ANAPC1: variants seen among roughly 807,000 people sequenced by gnomAD.
The protein encoded by ANAPC1 is anaphase promoting complex subunit 1, also known as anaphase-promoting complex subunit 1.
ANAPC1 carries 36 observed loss-of-function variants against 208.0 expected under a neutral mutation model. The ratio of observed to expected loss-of-function variants is 0.17; its 90% confidence interval spans 0.13 to 0.23. ANAPC1 has a LOEUF of 0.23. Ranked by LOEUF, ANAPC1 falls within the 10% of genes least tolerant of loss-of-function variation. The pLI, the probability that ANAPC1 is intolerant of heterozygous loss-of-function variation, is 1.00. For synonymous variants in ANAPC1, 378 were observed against 695.2 expected (o/e 0.54, Z 7.18); for missense variants, 942 against 2,011.6 (o/e 0.47, Z 10.17).
At position 111,834,662 on chromosome 2, in the gene ANAPC1, T is replaced by G. The variant is rs1230516563; in HGVS notation, c.2326A>C (p.Asn776His). 1 of 1,613,086 alleles carries G rather than the reference T, an allele frequency of 6.2e-7. No individual in the cohort carries two copies. The highest frequency in any genetic ancestry group is 1.3e-5 in the African/African-American group (1 of 74,816). ...LHLVYEELKL[N>H]TLMGEGICSL... Reference sequence around the variant, plus strand: ...CAAATTCCTTCTCCCATTAGAGTATTCAACTTAAGCTCCTCATACACAAGG... The same window carrying G: ...CAAATTCCTTCTCCCATTAGAGTATGCAACTTAAGCTCCTCATACACAAGG... The change falls in exon 19 of 48, where the codon AAT becomes CAT. Residue 776 changes from asparagine to histidine, a missense_variant. Transcript: ENST00000341068.
chr2:111,789,092 C>A (rs1203552542), intron 38 of ANAPC1, among the ~76,000 whole-genome samples: 1 of 152,136 alleles, frequency 6.6e-6, no homozygotes, highest in Non-Finnish European at 1.5e-5. Flanking sequence ...GAGCCGAGAT[C>A]GCGCCACTGC....
chr2:111,880,663 C>T lies in ANAPC1; in HGVS notation c.163G>A (p.Ala55Thr), dbSNP rs1158176861. ...ASELWSSDGA[A>T]GLVGSLQEVT... is the part of the protein sequence containing the mutation. ...TCCTGAAGGGATCCCACCAAGCCAG[C>T]AGCACCATCAGAAGACCATAATTCA... The change falls in exon 2 of 48, where the codon GCT becomes ACT. Residue 55 changes from alanine to threonine, a missense_variant. Transcript: ENST00000341068. The T allele has an allele frequency of 1.9e-6, 3 of 1,613,192 alleles. No homozygotes were observed. The South Asian group carries it at 3.3e-5, about 18-fold the overall frequency.
intron 16 of ANAPC1, among the ~76,000 whole-genome samples, chr2:111,844,986 C>T (rs1680977204): frequency 6.6e-6 from 1 of 152,206 alleles, no homozygotes; most frequent in African/African-American, 2.4e-5. Flanking sequence ...GCAAGGACTA[C>T]AGATGCATGC....
At chr2:111,875,279 T>C (rs1330029651) in intron 3 of ANAPC1, among the ~76,000 whole-genome samples, 1 of 152,220 alleles carries the variant, frequency 6.6e-6, no homozygotes, top group Non-Finnish European at 1.5e-5. Context: ...TGTTTTATTG[T>C]TGAGTTGTGG....
rs1271067391 is a variant in ANAPC1, at chr2:111,880,602, C to T, written c.213+11G>A. On this transcript the variant is annotated intron_variant, in intron 2 of 47. Coordinates refer to ENST00000341068, the MANE Select transcript of ANAPC1 (RefSeq NM_022662.4). ...TACATTTCAAAAACACAATGGGAAA[C>T]TCAATGGAACCTTCTGTTTCTCGTG... The T allele has an allele frequency of 1.3e-6, 2 of 1,598,896 alleles. No individual in the cohort carries two copies. The highest frequency in any genetic ancestry group is 1.7e-6 in the Non-Finnish European group (2 of 1,172,566).
At chr2:111,862,831 C>G (rs1050011484) in intron 9 of ANAPC1, among the ~76,000 whole-genome samples, 1 of 152,044 alleles carries the variant, frequency 6.6e-6, no homozygotes, top group Non-Finnish European at 1.5e-5. Flanking sequence ...TCTTTTACAA[C>G]TAAAACTTAG....
At position 111,856,450 on chromosome 2, in the gene ANAPC1, C is replaced by G. The variant is rs181939571; in HGVS notation, c.1515+164G>C. ...CCATAGCCCTCCAAATTAGGACCCA[C>G]CTAAATAGGAAGCTTCACTGAGAAT... On this transcript the variant is annotated intron_variant, in intron 13 of 47. Coordinates refer to ENST00000341068, the MANE Select transcript of ANAPC1 (RefSeq NM_022662.4). The G allele has an allele frequency of 1.2e-3, 859 of 724,554 alleles. 8 individuals carry two copies. The East Asian group carries it at 0.014, about 12-fold the overall frequency. 44.9% of individuals were successfully genotyped at this position (724,554 alleles called of 1,614,324 possible).
At chr2:111,779,142 G>C (rs1677146733) in intron 44 of ANAPC1, 1 of 191,842 alleles carries the variant, frequency 5.2e-6, no homozygotes, top group Non-Finnish European at 1.1e-5. Context: ...GTTTAGGGGA[G>C]GCGGCAGAGT....
chr2:111,868,112 TA>T lies in ANAPC1; in HGVS notation c.612-17del. 1 of 1,552,876 alleles carries T rather than the reference TA, an allele frequency of 6.4e-7. No homozygotes were observed. The highest frequency in any genetic ancestry group is 8.7e-7 in the Non-Finnish European group (1 of 1,143,458). ...TAAAGGTTCTCTAGCAATAAACAAA[TA>T]ATCAATTAATTACCAATACGAGTAT... On this transcript the variant is annotated splice_polypyrimidine_tract_variant and intron_variant, in intron 6 of 47. Transcript: ENST00000341068.
intron 17 of ANAPC1, among the ~76,000 whole-genome samples, chr2:111,838,727 G>C (rs988232852): frequency 2.0e-5 from 3 of 152,178 alleles, no homozygotes; most frequent in African/African-American, 7.2e-5. Context: ...CAAACATCTA[G>C]AACAGTGCCT....
intron 21 of ANAPC1, among the ~76,000 whole-genome samples, chr2:111,830,156 C>G (rs1233358963): frequency 6.6e-6 from 1 of 152,152 alleles, no homozygotes; most frequent in African/African-American, 2.4e-5. Flanking sequence ...TAAAGACTTA[C>G]TATAAAGCTA....
intron 16 of ANAPC1, among the ~76,000 whole-genome samples, chr2:111,845,954 G>A (rs2104505257): frequency 7.1e-6 from 1 of 140,418 alleles, no homozygotes; most frequent in South Asian, 2.3e-4. Context: ...CAGAACCTGG[G>A]CGACAGAGCG....
At chr2:111,847,972 G>A (rs1369051863) in intron 14 of ANAPC1, 107 bp from the exon 15 acceptor site, 2 of 911,074 alleles carry the variant, frequency 2.2e-6, no homozygotes, top group East Asian at 2.8e-5. Flanking sequence ...ACAATAATAT[G>A]TAATGATTCA....
In ANAPC1 at chr2:111,833,188, T is replaced by A. The variant is rs187984904; in HGVS notation, c.2476+32A>T. 114 of 1,561,658 alleles carry A rather than the reference T, an allele frequency of 7.3e-5. No individual in the cohort carries two copies. In the East Asian group the frequency reaches 2.5e-3, roughly 35 times the overall value. On this transcript the variant is annotated intron_variant, in intron 20 of 47. Transcript: ENST00000341068. ...GATACAAGGAAATATCACTACACTG[T>A]TTAGAAAATATTTAAAAGCACGACT...
At chr2:111,878,107 T>A (rs1683109762) in intron 3 of ANAPC1, among the ~76,000 whole-genome samples, 1 of 152,226 alleles carries the variant, frequency 6.6e-6, no homozygotes, top group Non-Finnish European at 1.5e-5. Context: ...ATTTACCAGG[T>A]AATCCACAGG....
At chr2:111,766,602 A>G, downstream of ANAPC1, 1 of 214,712 alleles carries the variant, frequency 4.7e-6, no homozygotes, top group Non-Finnish European at 9.8e-6. Context: ...CCCCAATTTG[A>G]TCAGCATGAG....
At chr2:111,832,937 C>CAAAAA (rs908553180) in intron 20 of ANAPC1, among the ~76,000 whole-genome samples, 10 of 53,622 alleles carry the variant, frequency 1.9e-4, no homozygotes, top group Admixed American at 2.8e-4. Context: ...GACTCAGTCT[C>CAAAAA]AAAAAAAAAA....
At chr2:111,846,754 G>A (rs1462817179) in intron 16 of ANAPC1, among the ~76,000 whole-genome samples, 9 of 151,476 alleles carry the variant, frequency 5.9e-5, no homozygotes, top group Admixed American at 5.9e-4. Context: ...ATTTTTAGTA[G>A]AGAAAGGGTT....
intron 41 of ANAPC1, 57 bp downstream of exon 41, chr2:111,784,266 T>C: frequency 6.2e-7 from 1 of 1,613,974 alleles, no homozygotes; most frequent in Admixed American, 1.7e-5. Context: ...TCTTTAACGC[T>C]ATGCCATTCT....
Sources: gnomAD v4.1 joint callset for allele counts (sites outside exome capture counted in the v4.1 genomes callset) on GRCh38, gnomAD v4.1.1 for gene constraint, MANE v1.5 for transcripts, NCBI Gene and HGNC (gene_info 2026-07-23, HGNC 2026-07-21) for gene names.